The following THAP10 variants were observed in gnomAD, a reference collection of about 807,000 sequenced individuals.
THAP10 encodes THAP domain containing 10.
In THAP10, 10 loss-of-function variants were observed where a neutral mutation model predicts 15.7. That is an observed-to-expected ratio of 0.64 (90% confidence interval 0.39 to 1.08). THAP10 has a LOEUF of 1.08. Ranked by LOEUF, THAP10 falls within the 50% of genes least tolerant of loss-of-function variation. THAP10 has a pLI of 0.01. For missense variants in THAP10, 310 were observed against 330.9 expected (o/e 0.94, Z 0.49); for synonymous variants, 127 against 129.1 (o/e 0.98, Z 0.11).
At chr15:70,890,486 C>G (rs1243269004) in intron 1 of THAP10, among the ~76,000 whole-genome samples, 1 of 152,154 alleles carries the variant, frequency 6.6e-6, no homozygotes, top group East Asian at 1.9e-4. Flanking sequence ...GTTTTAGGCA[C>G]TGCAATACAA....
In THAP10 at chr15:70,881,762, T is replaced by G. The variant is rs2033269256; in HGVS notation, c.*692A>C. On this transcript the variant is annotated 3_prime_UTR_variant, in exon 3 of 3. Coordinates refer to ENST00000249861, the MANE Select transcript of THAP10 (RefSeq NM_020147.4). ...TTTCATGATGTTAATGATTCTAATC[T>G]AAATTAATCAAGCTAATTAATGTGT... The G allele has an allele frequency of 6.6e-6, 1 of 152,234 alleles. No individual in the cohort carries two copies. The highest frequency in any genetic ancestry group is 2.1e-4 in the South Asian group (1 of 4,830). 9.4% of individuals were successfully genotyped at this position (152,234 alleles called of 1,614,324 possible). A position where few individuals can be genotyped will look rare whatever the true frequency, so the allele number is the denominator to read the frequency against.
intron 1 of THAP10, among the ~76,000 whole-genome samples, chr15:70,889,169 A>G (rs1272216590): frequency 6.6e-6 from 1 of 152,204 alleles, no homozygotes; most frequent in Non-Finnish European, 1.5e-5. Context: ...GATAGCCCCA[A>G]TGGGTAAAAA....
Position 70,892,002 on chromosome 15 carries a change from G to C in THAP10, c.271C>G (p.Arg91Gly). 6.2e-7 allele frequency: 1 copy of C among 1,612,872 alleles called. No individual in the cohort carries two copies. The highest frequency in any genetic ancestry group is 1.7e-5 in the Admixed American group (1 of 59,922). ...CTCTTAGGTGCCGGGGCGGGCACCC[G>C]GTGCAGGGTGGGCACGGCGCCTGCC... The part of the protein sequence containing the change: ...LVAGAVPTLH[R>G]VPAPAPKRGE... The change falls in exon 1 of 3, where the codon CGG (arginine) becomes GGG (glycine). Residue 91 changes from arginine to glycine, a missense_variant. Transcript: ENST00000249861.
chr15:70,886,401 A>G (rs1055910872), intron 1 of THAP10, among the ~76,000 whole-genome samples: 1 of 152,196 alleles, frequency 6.6e-6, no homozygotes, highest in Non-Finnish European at 1.5e-5. Context: ...AACATTCACC[A>G]TAAAAATTCT....
intron 1 of THAP10, among the ~76,000 whole-genome samples, chr15:70,889,366 C>T (rs539628018): frequency 2.6e-5 from 4 of 152,088 alleles, no homozygotes; most frequent in South Asian, 4.2e-4. Flanking sequence ...AATCCCCCCC[C>T]CAAAAAAAAG....
rs1379908298 is a variant in THAP10 at position 70,882,531 on chromosome 15, C to T, written c.697G>A (p.Asp233Asn). ...TCACTCTTGATATCCCAGTCTGTAT[C>T]TGTTTCTGAATCACTGGAGTAAATG... is the stretch of plus-strand genomic sequence containing the variant. ...FDIYSSDSETDTDWDIKSEQS... is the reference protein window; with the variant it reads ...FDIYSSDSETNTDWDIKSEQS... Residue 233 changes from aspartate (D) to asparagine (N), a missense_variant, in exon 3 of 3, where the codon GAT (aspartate) becomes AAT (asparagine). Coordinates refer to ENST00000249861, the MANE Select transcript of THAP10 (RefSeq NM_020147.4). 2 of 1,613,820 alleles carry T rather than the reference C, an allele frequency of 1.2e-6. No homozygotes were observed. Among genetic ancestry groups the T allele is most frequent in the East Asian group, 4.5e-5 (2 of 44,872 alleles).
At chr15:70,883,567 T>A (rs1038381423) in intron 1 of THAP10, among the ~76,000 whole-genome samples, 1 of 152,162 alleles carries the variant, frequency 6.6e-6, no homozygotes, top group Non-Finnish European at 1.5e-5. Context: ...AATCATTTGT[T>A]CTTTATACTT....
rs1033750352 is a variant in THAP10, at chr15:70,892,195, G to A, written c.78C>T (p.Asp26=). Residue 26 remains aspartate, a synonymous_variant, in exon 1 of 3, where the codon GAC becomes GAT. Coordinates refer to ENST00000249861, the MANE Select transcript of THAP10 (RefSeq NM_020147.4). ...GGTCCCAGAGCAGCCGCACGGCCCG[G>A]TCCTTGGGAAAGCGGAACAGCGACT... The part of the protein sequence containing the change: ...SGKSLFRFPK[D]RAVRLLWDRF... 16 of 1,607,680 alleles carry A rather than the reference G, an allele frequency of 1.0e-5. No homozygotes were observed. Among genetic ancestry groups the A allele is most frequent in the Non-Finnish European group, 1.4e-5 (16 of 1,177,096 alleles).
At chr15:70,889,180 C>A (rs1056154663) in intron 1 of THAP10, among the ~76,000 whole-genome samples, 113 of 152,002 alleles carry the variant, frequency 7.4e-4, no homozygotes, top group African/African-American at 2.6e-3. Context: ...TGGGTAAAAA[C>A]CCAAATGTTC....
chr15:70,885,745 T>C (rs917759026), intron 1 of THAP10, among the ~76,000 whole-genome samples: 4 of 152,314 alleles, frequency 2.6e-5, no homozygotes, highest in African/African-American at 9.6e-5. Flanking sequence ...AATTTGAAGA[T>C]TAATATGTAA....
chr15:70,886,714 A>G (rs964130889), intron 1 of THAP10, among the ~76,000 whole-genome samples: 2 of 152,068 alleles, frequency 1.3e-5, no homozygotes, highest in African/African-American at 4.8e-5. Context: ...AAAAATACAA[A>G]AATTAGCTGG....
chr15:70,886,015 T>C (rs554296866), intron 1 of THAP10, among the ~76,000 whole-genome samples: 22 of 152,244 alleles, frequency 1.4e-4, no homozygotes, highest in African/African-American at 5.1e-4. Context: ...TAGAAATCTA[T>C]TGCAAAAATT....
chr15:70,892,395 G>C lies in THAP10; in HGVS notation c.-123C>G. 2 of 1,543,174 alleles carry C rather than the reference G, an allele frequency of 1.3e-6. No homozygotes were observed. Among genetic ancestry groups the C allele is most frequent in the African/African-American group, 2.7e-5 (2 of 73,144 alleles). ...CACCTGTCCACTCCGGGTCGGGATT[G>C]TTTCCTTCCCTACCTCTGGTCACCG... On this transcript the variant is annotated 5_prime_UTR_variant, in exon 1 of 3. Coordinates refer to ENST00000249861, the MANE Select transcript of THAP10 (RefSeq NM_020147.4).
chr15:70,890,390 A>C (rs2033522725), intron 1 of THAP10, among the ~76,000 whole-genome samples: 1 of 152,170 alleles, frequency 6.6e-6, no homozygotes, highest in African/African-American at 2.4e-5. Flanking sequence ...ATAATTGAAA[A>C]TTCAATTATA....
rs553578114 is a variant in THAP10, at chr15:70,892,001, C to T, written c.272G>A (p.Arg91Gln). 3.6e-5 allele frequency: 58 copies of T among 1,612,972 alleles called. No homozygotes were observed. Among genetic ancestry groups the T allele is most frequent in the Non-Finnish European group, 4.4e-5 (52 of 1,179,666 alleles). ...CCTCTTAGGTGCCGGGGCGGGCACC[C>T]GGTGCAGGGTGGGCACGGCGCCTGC... The part of the protein sequence containing the change: ...LVAGAVPTLH[R>Q]VPAPAPKRGE... Residue 91 changes from arginine (R) to glutamine (Q), a missense_variant, in exon 1 of 3, where the codon CGG becomes CAG. Transcript: ENST00000249861.
chr15:70,885,600 C>G (rs2141087304), intron 1 of THAP10, among the ~76,000 whole-genome samples: 1 of 152,284 alleles, frequency 6.6e-6, no homozygotes, highest in East Asian at 1.9e-4. Context: ...TATGCAAACA[C>G]TAAGTTAAAG....
intron 1 of THAP10, among the ~76,000 whole-genome samples, chr15:70,884,498 C>T (rs1470862008): frequency 6.6e-6 from 1 of 151,060 alleles, no homozygotes; most frequent in African/African-American, 2.4e-5. Flanking sequence ...CCAGCCTGGG[C>T]GACAGAGTGA....
intron 1 of THAP10, among the ~76,000 whole-genome samples, chr15:70,891,127 G>C (rs1019903297): frequency 6.6e-6 from 1 of 152,174 alleles, no homozygotes; most frequent in Non-Finnish European, 1.5e-5. Flanking sequence ...TGGTGGCAAG[G>C]CTGAAGTTTA....
At chr15:70,883,014 C>A (rs2033306076) in intron 1 of THAP10, 106 bp from the exon 2 acceptor site, 1 of 1,121,198 alleles carries the variant, frequency 8.9e-7, no homozygotes, top group Non-Finnish European at 1.3e-6. Context: ...TTTTCAGTCA[C>A]ATATTAGTAA....
Sources: gnomAD v4.1 joint callset for allele counts (sites outside exome capture counted in the v4.1 genomes callset) on GRCh38, gnomAD v4.1.1 for gene constraint, MANE v1.5 for transcripts, NCBI Gene and HGNC (gene_info 2026-07-23, HGNC 2026-07-21) for gene names.